The following CASQ1 variants were observed in gnomAD, a reference collection of about 807,000 sequenced individuals.
The protein encoded by CASQ1 is calsequestrin 1.
Under a neutral mutation model 49.5 loss-of-function variants are expected in CASQ1, and 40 were observed. The observed-to-expected ratio is 0.81, with a 90% CI of 0.63 to 1.05. The LOEUF is 1.05. CASQ1 is among the 50% of genes least tolerant of loss of function. CASQ1 has a pLI of 0.00. For missense variants in CASQ1, 469 were observed against 486.9 expected, an observed-to-expected ratio of 0.96 and a Z score of 0.35; for synonymous variants, 174 against 187.2, an observed-to-expected ratio of 0.93 and a Z score of 0.58.
intron 2 of CASQ1, among the ~76,000 whole-genome samples, chr1:160,193,405 G>T (rs537279891): frequency 5.6e-4 from 85 of 152,190 alleles, no homozygotes; most frequent in African/African-American, 1.9e-3. Flanking sequence ...AGAGGGGGTG[G>T]CATGAATACT....
chr1:160,195,127 G>C lies in CASQ1; in HGVS notation c.577+4G>C. 6.3e-7 allele frequency: 1 copy of C among 1,582,190 alleles called. No homozygotes were observed. Among genetic ancestry groups the C allele is most frequent in the Non-Finnish European group, 8.7e-7 (1 of 1,155,578 alleles). ...TTCAAGAGCAAAGACTCAGAGCGTG[G>C]GTAACCCTCAGACTCCACTGTGCCC... On this transcript the variant is annotated splice_donor_region_variant and intron_variant, in intron 4 of 10. Coordinates refer to ENST00000368078, the MANE Select transcript of CASQ1 (RefSeq NM_001231.5).
intron 8 of CASQ1, 47 bp downstream of exon 8, chr1:160,198,778 T>C: frequency 6.5e-7 from 1 of 1,549,336 alleles, no homozygotes; most frequent in Non-Finnish European, 8.9e-7. Flanking sequence ...CAGGGGGAGG[T>C]GGGTGTGTTT....
In CASQ1 at chr1:160,193,803, G is replaced by T; in HGVS notation, c.421G>T (p.Asp141Tyr). The T allele has an allele frequency of 6.2e-7, 1 of 1,613,100 alleles. No individual in the cohort carries two copies. The highest frequency in any genetic ancestry group is 8.5e-7 in the Non-Finnish European group (1 of 1,179,372). The change falls in exon 3 of 11, where the codon GAT becomes TAT. Residue 141 changes from aspartate (D) to tyrosine (Y), a missense_variant. Physicochemically the swap from Asp to Tyr is radical, Grantham distance 160 (BLOSUM62 -3). Coordinates refer to ENST00000368078, the MANE Select transcript of CASQ1 (RefSeq NM_001231.5). ...CAAGGGAGATGAAGTCATTGAGTAC[G>T]ATGGCGAGTTTTCTGCTGACACCAT... ...VFKGDEVIEY[D>Y]GEFSADTIVE... is the part of the protein sequence containing the mutation.
At chr1:160,194,933 C>T in intron 3 of CASQ1, 79 bp from the exon 4 acceptor site, 1 of 863,246 alleles carries the variant, frequency 1.2e-6, no homozygotes, top group Non-Finnish European at 1.8e-6. Context: ...TCCAGTTCCC[C>T]AGCCTTCTTT....
chr1:160,198,687 T>C lies in CASQ1; in HGVS notation c.839T>C (p.Met280Thr). ...CTTACCCCCTGACAGGAGGATGATA[T>C]GGATGGAATCCACATTGTGGCCTTC... ...ESMYETWEDD[M>T]DGIHIVAFAE... Residue 280 changes from methionine (M) to threonine (T), a missense_variant, in exon 8 of 11, where the codon ATG becomes ACG. Met to Thr is a moderately conservative substitution (Grantham distance 81). Transcript: ENST00000368078. 1 of 1,613,722 alleles carries C rather than the reference T, an allele frequency of 6.2e-7. No homozygotes were observed. The highest frequency in any genetic ancestry group is 8.5e-7 in the Non-Finnish European group (1 of 1,179,630).
intron 1 of CASQ1, 57 bp from the exon 2 acceptor site, chr1:160,192,745 G>A: frequency 6.8e-7 from 1 of 1,463,452 alleles, no homozygotes; most frequent in Non-Finnish European, 9.6e-7. Flanking sequence ...ATGAGAGGGA[G>A]AATAGGGGAT....
chr1:160,197,675 C>T, intron 7 of CASQ1, 61 bp downstream of exon 7: 1 of 1,144,990 alleles, frequency 8.7e-7, no homozygotes, highest in Non-Finnish European at 1.3e-6. Flanking sequence ...AGACTCAAGT[C>T]CTAGAAAAAC....
intron 2 of CASQ1, 131 bp from the exon 3 acceptor site, chr1:160,193,616 C>A: frequency 1.7e-6 from 1 of 587,830 alleles, no homozygotes; most frequent in African/African-American, 1.9e-5. Context: ...GGGCAACGGG[C>A]CCATGAGGTG....
intron 10 of CASQ1, among the ~76,000 whole-genome samples, chr1:160,200,570 C>G (rs1557816859): frequency 6.6e-6 from 1 of 152,184 alleles, no homozygotes. Flanking sequence ...AGTGATGATT[C>G]AGGGAAGTCA....
At chr1:160,191,353 G>A (rs146145360) in intron 1 of CASQ1, among the ~76,000 whole-genome samples, 4 of 152,212 alleles carry the variant, frequency 2.6e-5, no homozygotes, top group Middle Eastern at 3.4e-3. Context: ...GGAGGTACTT[G>A]GAGGGCCAGG....
chr1:160,196,842 T>G (rs188832143), intron 6 of CASQ1, among the ~76,000 whole-genome samples: 113 of 152,264 alleles, frequency 7.4e-4, no homozygotes, highest in Non-Finnish European at 1.5e-3. Context: ...CGTGGCGAGG[T>G]GGGCATAGGT....
rs749526579 is a variant in CASQ1, at chr1:160,195,415, C to T, written c.578-46C>T. On this transcript the variant is annotated intron_variant, in intron 4 of 10. Transcript: ENST00000368078. ...ACGATAGTGGGGGATGATTCCCGGG[C>T]AGACCCTGGTTTCCCCAGAGACTGA... The T allele has an allele frequency of 2.6e-6, 4 of 1,556,112 alleles. No individual in the cohort carries two copies. In the Admixed American group the frequency reaches 5.0e-5, roughly 19 times the overall value.
rs560068715 is a variant in CASQ1, at chr1:160,200,543, T to G, written c.1059+618T>G. Among the ~76,000 whole-genome samples, 3 of 152,310 alleles carry G rather than the reference T, an allele frequency of 2.0e-5. No homozygotes were observed. The East Asian group carries it at 5.8e-4, about 29-fold the overall frequency. ...GATATTCAAAATGGAGATTCTACAA[T>G]GTATACGATTTCAACAAGTGATGAT... On this transcript the variant is annotated intron_variant, in intron 10 of 10. Transcript: ENST00000368078.
chr1:160,201,673 C>A lies in CASQ1; in HGVS notation c.*297C>A, dbSNP rs1460436200. 1 of 447,526 alleles carries A rather than the reference C, an allele frequency of 2.2e-6. No individual in the cohort carries two copies. Among genetic ancestry groups the A allele is most frequent in the East Asian group, 4.3e-5 (1 of 23,264 alleles). 27.7% of individuals were successfully genotyped at this position (447,526 alleles called of 1,614,324 possible). On this transcript the variant is annotated 3_prime_UTR_variant, in exon 11 of 11. Coordinates refer to ENST00000368078, the MANE Select transcript of CASQ1 (RefSeq NM_001231.5). Reference sequence around the variant, plus strand: ...CTCCATACTCTTTCTTGTGATTCTCCTCTAGCCATATATATGGGCCCCATC... The same window carrying A: ...CTCCATACTCTTTCTTGTGATTCTCATCTAGCCATATATATGGGCCCCATC...
intron 6 of CASQ1, 62 bp downstream of exon 6, chr1:160,196,089 G>T: frequency 6.5e-7 from 1 of 1,544,426 alleles, no homozygotes; most frequent in South Asian, 1.2e-5. Flanking sequence ...AACACACTGT[G>T]TGAGATGGGC....
intron 6 of CASQ1, 31 bp downstream of exon 6, chr1:160,196,058 G>T (rs759305545): frequency 6.2e-7 from 1 of 1,610,718 alleles, no homozygotes; most frequent in Non-Finnish European, 8.5e-7. Flanking sequence ...TCTCAGCGGG[G>T]TCGGCTCCTC....
chr1:160,201,166 C>G (rs926879438), intron 10 of CASQ1, 79 bp from the exon 11 acceptor site: 5 of 1,429,442 alleles, frequency 3.5e-6, no homozygotes, highest in Non-Finnish European at 4.8e-6. Context: ...GAAGGATGTA[C>G]AGAGTCCAGT....
At chr1:160,197,698 C>A in intron 7 of CASQ1, 84 bp downstream of exon 7, 2 of 912,504 alleles carry the variant, frequency 2.2e-6, no homozygotes, top group Non-Finnish European at 3.7e-6. Context: ...CACCCTACTG[C>A]TCCTCAGGCC....
rs765926758 is a variant in CASQ1, at chr1:160,198,961, G to A, written c.892G>A (p.Glu298Lys). Residue 298 changes from glutamate to lysine, a missense_variant, in exon 9 of 11, where the codon GAG becomes AAG. Transcript: ENST00000368078. ...CTTGTGTTCCCTCCAAGATGGTTTC[G>A]AGTTCTTAGAGACTCTCAAGGCTGT... ...FAEEADPDGF[E>K]FLETLKAVAQ... is the part of the protein sequence containing the mutation. 1.7e-5 allele frequency: 28 copies of A among 1,607,256 alleles called. No individual in the cohort carries two copies. The highest frequency in any genetic ancestry group is 4.5e-5 in the East Asian group (2 of 44,864).
Sources: allele counts gnomAD v4.1 joint callset (sites outside exome capture counted in the v4.1 genomes callset), GRCh38; gene constraint gnomAD v4.1.1; transcripts MANE v1.5; gene names NCBI Gene and HGNC (gene_info 2026-07-23, HGNC 2026-07-21).